DLC1: variants seen among roughly 807,000 people sequenced by gnomAD.
DLC1 encodes rho GTPase-activating protein 7.
Under a neutral mutation model 140.3 loss-of-function variants are expected in DLC1, and 54 were observed. The ratio of observed to expected loss-of-function variants is 0.38; its 90% CI spans 0.31 to 0.48. The LOEUF (loss-of-function observed/expected upper bound fraction) is 0.48, where lower values mean the gene tolerates loss of function less well. DLC1 is among the 20% of genes least tolerant of loss of function. DLC1 has a pLI of 0.96. For missense variants in DLC1, 2,536 were observed against 1,907.0 expected (o/e 1.33, Z -6.14); for synonymous variants, 986 against 728.1 (o/e 1.35, Z -5.70).
chr8:13,417,479 C>T (rs984143914), intron 2 of DLC1, among the ~76,000 whole-genome samples: 4 of 151,038 alleles, frequency 2.6e-5, no homozygotes, highest in Non-Finnish European at 4.4e-5. Context: ...TTTGTCCTTG[C>T]TATAGTTTAC....
intron 2 of DLC1, among the ~76,000 whole-genome samples, chr8:13,453,670 A>C (rs1323384009): frequency 6.8e-6 from 1 of 147,966 alleles, no homozygotes; most frequent in Non-Finnish European, 1.5e-5. Flanking sequence ...GACTATCCTC[A>C]AAAGAATTTA....
chr8:13,512,335 T>C (rs913456817), intron 1 of DLC1, among the ~76,000 whole-genome samples: 9 of 152,138 alleles, frequency 5.9e-5, no homozygotes, highest in African/African-American at 2.2e-4. Flanking sequence ...TCTGAGAAGG[T>C]ATACTGCTTC....
chr8:13,236,547 G>T (rs1156466558), intron 5 of DLC1, among the ~76,000 whole-genome samples: 1 of 152,022 alleles, frequency 6.6e-6, no homozygotes, highest in Non-Finnish European at 1.5e-5. Flanking sequence ...GTGAACAAAA[G>T]AAAAATAGCA....
chr8:13,214,249 G>A (rs1585924181), intron 5 of DLC1: 1 of 178,566 alleles, frequency 5.6e-6, no homozygotes, highest in African/African-American at 2.4e-5. Flanking sequence ...AATGGTTAAA[G>A]AGAGTGGAAC....
chr8:13,599,127 G>A (rs1051667347), intron 1 of DLC1, among the ~76,000 whole-genome samples: 10 of 151,646 alleles, frequency 6.6e-5, no homozygotes, highest in Non-Finnish European at 1.0e-4. Context: ...TTGAAAAAAC[G>A]TCTGCTTATA....
intron 2 of DLC1, among the ~76,000 whole-genome samples, chr8:13,407,971 A>G (rs543597941): frequency 3.3e-5 from 5 of 151,570 alleles, no homozygotes; most frequent in Non-Finnish European, 7.4e-5. Flanking sequence ...CTGTTTTAAA[A>G]ACCAGAATGT....
intron 5 of DLC1, among the ~76,000 whole-genome samples, chr8:13,225,595 C>G (rs11991320): frequency 0.041 from 6,232 of 151,336 alleles, 456 homozygotes; most frequent in African/African-American, 0.14. Context: ...ATTGATTAAT[C>G]GATTTCTTTT....
chr8:13,095,200 C>G lies in DLC1; in HGVS notation c.3213G>C (p.Lys1071Asn), dbSNP rs1411254512. The G allele has an allele frequency of 1.9e-6, 3 of 1,614,118 alleles. No individual in the cohort carries two copies. The highest frequency in any genetic ancestry group is 1.7e-5 in the Admixed American group (1 of 60,008). ...GTGGGACCCCAAACACACTCCGGTC[C>G]TTGTAGTCTGGAACCTTGATCCTCT... The part of the protein sequence containing the change: ...FMKRIKVPDY[K>N]DRSVFGVPLT... Residue 1071 changes from lysine to asparagine, a missense_variant, in exon 11 of 18, where the codon AAG (lysine) becomes AAC (asparagine). Physicochemically the swap from Lys to Asn is moderately conservative, Grantham distance 94. Transcript: ENST00000276297.
rs764469773 is a variant in DLC1 at position 13,100,307 on chromosome 8, T to C, written c.2030A>G (p.Lys677Arg). Residue 677 changes from lysine (K) to arginine (R), a missense_variant, in exon 9 of 18, where the codon AAG becomes AGG. Coordinates refer to ENST00000276297, the MANE Select transcript of DLC1 (RefSeq NM_182643.3). Reference sequence around the variant, plus strand: ...TTTGTGCTTGCTGTGATGGGAGCTCTTGAGCTTCAGGCTCTCCATCCGTTT... The same window carrying C: ...TTTGTGCTTGCTGTGATGGGAGCTCCTGAGCTTCAGGCTCTCCATCCGTTT... ...LLKRMESLKL[K>R]SSHHSKHKAP... 3 of 1,614,154 alleles carry C rather than the reference T, an allele frequency of 1.9e-6. No homozygotes were observed. The East Asian group carries it at 6.7e-5, about 36-fold the overall frequency.
intron 1 of DLC1, among the ~76,000 whole-genome samples, chr8:13,588,916 A>T (rs1805422905): frequency 6.6e-6 from 1 of 152,094 alleles, no homozygotes; most frequent in African/African-American, 2.4e-5. Context: ...CACCTGTTTA[A>T]CAAGCTACAT....
At chr8:13,133,596 A>G (rs1267781450) in intron 5 of DLC1, 12 of 96,154 alleles carry the variant, frequency 1.2e-4, no homozygotes, top group African/African-American at 4.7e-4. Context: ...TGTTTCCCCC[A>G]CGGGCCTCCA....
intron 5 of DLC1, among the ~76,000 whole-genome samples, chr8:13,240,099 A>C (rs962368786): frequency 5.3e-5 from 8 of 152,084 alleles, no homozygotes; most frequent in South Asian, 2.1e-4. Flanking sequence ...CCCCTCATGG[A>C]AACTTCCACA....
intron 5 of DLC1, among the ~76,000 whole-genome samples, chr8:13,219,112 G>A (rs1464878676): frequency 3.6e-5 from 4 of 111,686 alleles, no homozygotes; most frequent in African/African-American, 1.1e-4. Context: ...ATAATTATAT[G>A]TGAATATAAT....
intron 1 of DLC1, among the ~76,000 whole-genome samples, chr8:13,566,322 C>T (rs1585281020): frequency 6.6e-6 from 1 of 152,108 alleles, no homozygotes; most frequent in East Asian, 1.9e-4. Flanking sequence ...GCCAGAGAAA[C>T]TGATTTGGAA....
chr8:13,274,680 C>G (rs1158424326), intron 5 of DLC1, among the ~76,000 whole-genome samples: 1 of 152,174 alleles, frequency 6.6e-6, no homozygotes, highest in African/African-American at 2.4e-5. Flanking sequence ...TTATTCTCAT[C>G]AGCTGTCAAA....
At chr8:13,546,644 T>G (rs1023515464) in intron 1 of DLC1, among the ~76,000 whole-genome samples, 1 of 152,158 alleles carries the variant, frequency 6.6e-6, no homozygotes, top group African/African-American at 2.4e-5. Context: ...TCTGCTCTCT[T>G]GGACCTTTTA....
chr8:13,171,538 G>A (rs946014488), intron 5 of DLC1, among the ~76,000 whole-genome samples: 2 of 152,162 alleles, frequency 1.3e-5, no homozygotes, highest in Middle Eastern at 6.8e-3. Flanking sequence ...CTACAGGTGC[G>A]TGCCACCATG....
chr8:13,405,917 T>TCTTC, intron 2 of DLC1, among the ~76,000 whole-genome samples: 1 of 84,944 alleles, frequency 1.2e-5, no homozygotes, highest in South Asian at 4.8e-4. Context: ...CTTTCTTTTC[T>TCTTC]TTTCTTTCTT....
chr8:13,230,597 C>CTTT (rs548424340), intron 5 of DLC1, among the ~76,000 whole-genome samples: 3 of 133,728 alleles, frequency 2.2e-5, no homozygotes, highest in African/African-American at 2.8e-5. Context: ...TTTCTTTTTT[C>CTTT]TTTTTTTTTT....
Sources: gnomAD v4.1 joint callset for allele counts (sites outside exome capture counted in the v4.1 genomes callset) on GRCh38, gnomAD v4.1.1 for gene constraint, MANE v1.5 for transcripts, NCBI Gene and HGNC (gene_info 2026-07-23, HGNC 2026-07-21) for gene names.